CLEC18B: variants seen among roughly 807,000 people sequenced by gnomAD.
CLEC18B encodes C-type lectin domain family 18 member B.
In CLEC18B, 5 loss-of-function variants were observed where a neutral mutation model predicts 60.4. The ratio of observed to expected loss-of-function variants is 0.08; its 90% CI spans 0.04 to 0.17. The LOEUF is 0.17. Ranked by LOEUF, CLEC18B falls within the 10% of genes least tolerant of loss-of-function variation. CLEC18B has a pLI of 1.00. For missense variants in CLEC18B, 26 were observed against 572.8 expected, an observed-to-expected ratio of 0.05 and a Z score of 9.74; for synonymous variants, 16 against 221.2, an observed-to-expected ratio of 0.07 and a Z score of 8.23.
At chr16:74,423,743 G>A (rs1385258869), upstream of CLEC18B, among the ~76,000 whole-genome samples, 3 of 147,728 alleles carry the variant, frequency 2.0e-5, no homozygotes, top group African/African-American at 7.5e-5. Flanking sequence ...AAGGTTCATG[G>A]GCCAGAAGAG....
upstream of CLEC18B, among the ~76,000 whole-genome samples, chr16:74,423,457 G>A (rs1456519980): frequency 1.9e-4 from 29 of 152,388 alleles, no homozygotes; most frequent in African/African-American, 6.7e-4. Flanking sequence ...GGGAGGCCAA[G>A]GCAGGCGGAT....
At chr16:74,410,095 G>A (rs1269333589) in intron 10 of CLEC18B, among the ~76,000 whole-genome samples, 2 of 152,246 alleles carry the variant, frequency 1.3e-5, no homozygotes, top group Non-Finnish European at 2.9e-5. Context: ...GCAGGGTGGG[G>A]CCACGTGACC....
At chr16:74,417,866 C>T (rs1262964041) in intron 3 of CLEC18B, among the ~76,000 whole-genome samples, 193 bp downstream of exon 3, 1 of 151,878 alleles carries the variant, frequency 6.6e-6, no homozygotes, top group Middle Eastern at 3.4e-3. Context: ...TGCAGTGAGC[C>T]GAGATCACGC....
intron 3 of CLEC18B, among the ~76,000 whole-genome samples, chr16:74,417,784 G>A (rs2013480672): frequency 6.6e-6 from 1 of 151,766 alleles, no homozygotes; most frequent in Non-Finnish European, 1.5e-5. Flanking sequence ...CAGGCCTGGT[G>A]GCACATGCCT....
intron 2 of CLEC18B, among the ~76,000 whole-genome samples, chr16:74,420,036 G>A (rs932649330): frequency 5.3e-5 from 8 of 152,284 alleles, no homozygotes; most frequent in African/African-American, 9.6e-5. Context: ...AGAGAACATG[G>A]GCAAGGCCCG....
At chr16:74,422,832 A>G (rs1597191428), upstream of CLEC18B, among the ~76,000 whole-genome samples, 1 of 151,794 alleles carries the variant, frequency 6.6e-6, no homozygotes, top group Non-Finnish European at 1.5e-5. Flanking sequence ...CTGGCTAATT[A>G]TTATTATTTT....
upstream of CLEC18B, among the ~76,000 whole-genome samples, chr16:74,423,774 T>C (rs1393508991): frequency 6.9e-6 from 1 of 145,838 alleles, no homozygotes; most frequent in East Asian, 2.1e-4. Context: ...GATAAAAGAT[T>C]AATGAGACAC....
At chr16:74,421,582 G>A, upstream of CLEC18B, 1 of 466,972 alleles carries the variant, frequency 2.1e-6, no homozygotes, top group South Asian at 2.3e-5. Context: ...GCTAATCATT[G>A]TGGGATTATT....
At chr16:74,412,709 T>C in intron 6 of CLEC18B, 64 bp downstream of exon 6, 1 of 1,579,520 alleles carries the variant, frequency 6.3e-7, no homozygotes, top group East Asian at 2.3e-5. Flanking sequence ...TCTCAGGAAG[T>C]GTAGCAGCCC....
At chr16:74,414,147 T>G (rs1436020817) in intron 3 of CLEC18B, among the ~76,000 whole-genome samples, 4 of 152,298 alleles carry the variant, frequency 2.6e-5, no homozygotes, top group Admixed American at 1.3e-4. Context: ...AGTGCTGGGA[T>G]TATAGGTGTG....
intron 3 of CLEC18B, among the ~76,000 whole-genome samples, chr16:74,416,541 TTATG>T (rs2013423042): frequency 6.8e-6 from 1 of 148,126 alleles, no homozygotes; most frequent in Non-Finnish European, 1.5e-5. Context: ...CCTGGGTAAT[TTATG>T]TATTTTTTTG....
upstream of CLEC18B, chr16:74,422,017 C>A (rs2013707946): frequency 6.9e-6 from 1 of 145,364 alleles, no homozygotes; most frequent in Admixed American, 7.0e-5. Context: ...CACGTGACTA[C>A]AGGCCAGGGG....
chr16:74,420,360 CA>C (rs2013626646), intron 2 of CLEC18B, 140 bp downstream of exon 2: 1 of 859,176 alleles, frequency 1.2e-6, no homozygotes, highest in African/African-American at 1.8e-5. Flanking sequence ...CTCCGTCCCT[CA>C]GGGGCAAGGT....
At chr16:74,422,290 C>A (rs146268238), upstream of CLEC18B, 1 of 153,244 alleles carries the variant, frequency 6.5e-6, no homozygotes, top group African/African-American at 2.4e-5. Context: ...CCACGTTCCT[C>A]TCGGGGCAGA....
intron 3 of CLEC18B, among the ~76,000 whole-genome samples, chr16:74,417,140 C>T (rs2013450951): frequency 2.0e-5 from 3 of 148,112 alleles, no homozygotes; most frequent in African/African-American, 7.4e-5. Flanking sequence ...TGGCTCGTGC[C>T]TGTAGTCCCA....
Position 74,421,251 on chromosome 16 carries a change from G to A in CLEC18B, c.20C>T (p.Ser7Phe), listed in dbSNP as rs201388061. The A allele has an allele frequency of 1.7e-5, 27 of 1,609,580 alleles. No homozygotes were observed. Among genetic ancestry groups the A allele is most frequent in the Admixed American group, 8.4e-5 (5 of 59,416 alleles). Residue 7 changes from serine (S) to phenylalanine (F), a missense_variant, in exon 1 of 12, where the codon TCC (serine) becomes TTC (phenylalanine). Ser to Phe is a radical substitution (Grantham distance 155, BLOSUM62 -2). Transcript: ENST00000682950. The part of the protein sequence containing the change: MLHPET[S>F]PGRGHLLAVL... ...AGCCAGGAGATGCCCCCGGCCAGGG[G>A]AGGTCTCTGGATGCAGCATGGGTCT...
At chr16:74,416,278 A>T (rs2142753700) in intron 3 of CLEC18B, among the ~76,000 whole-genome samples, 1 of 148,578 alleles carries the variant, frequency 6.7e-6, no homozygotes, top group Middle Eastern at 3.5e-3. Context: ...AAAAAAAAAA[A>T]TTAAGGAGCC....
At chr16:74,422,642 A>G (rs1293873140), upstream of CLEC18B, among the ~76,000 whole-genome samples, 12 of 144,346 alleles carry the variant, frequency 8.3e-5, no homozygotes, top group Admixed American at 2.9e-4. Context: ...GGGTCCTAGC[A>G]ATGCTTAATA....
chr16:74,419,248 A>AG, intron 2 of CLEC18B, among the ~76,000 whole-genome samples: 1 of 152,074 alleles, frequency 6.6e-6, no homozygotes, highest in Non-Finnish European at 1.5e-5. Flanking sequence ...GGATGCAGGG[A>AG]GGGGGGCCCC....
Sources: gnomAD v4.1 joint callset for allele counts (sites outside exome capture counted in the v4.1 genomes callset) on GRCh38, gnomAD v4.1.1 for gene constraint, MANE v1.5 for transcripts, NCBI Gene and HGNC (gene_info 2026-07-23, HGNC 2026-07-21) for gene names.